UVRAG: variants seen among roughly 807,000 people sequenced by gnomAD.
The protein encoded by UVRAG is UV radiation resistance associated.
UVRAG carries 19 observed loss-of-function variants against 78.0 expected under a neutral mutation model. The observed-to-expected ratio is 0.24, with a 90% CI of 0.17 to 0.36. UVRAG has a LOEUF of 0.36. Among genes scored for constraint, UVRAG ranks in the 10% least tolerant of loss-of-function variants. The pLI is 1.00. For missense variants in UVRAG, 740 were observed against 853.8 expected, an observed-to-expected ratio of 0.87 and a Z score of 1.66; for synonymous variants, 323 against 324.6, an observed-to-expected ratio of 1.00 and a Z score of 0.05.
At chr11:76,082,562 T>C (rs1242945942) in intron 13 of UVRAG, among the ~76,000 whole-genome samples, 1 of 109,580 alleles carries the variant, frequency 9.1e-6, no homozygotes, top group Non-Finnish European at 1.9e-5. Context: ...AAAAAAAACA[T>C]AGGTAACAAT....
At position 75,945,422 on chromosome 11, in the gene UVRAG, G is replaced by T. The variant is rs1240187899; in HGVS notation, c.594-16022G>T. On this transcript the variant is annotated intron_variant, in intron 6 of 14. Coordinates refer to ENST00000356136, the MANE Select transcript of UVRAG (RefSeq NM_003369.4). ...AGCCGGAAAACAAATGATTATAGAT[G>T]ATATGAAGTCTAGATGGAGCATGCT... Among the ~76,000 whole-genome samples the T allele has an allele frequency of 2.0e-5, 3 of 152,236 alleles. No homozygotes were observed. In the East Asian group the frequency reaches 5.8e-4, roughly 29 times the overall value.
chr11:76,007,725 G>C, intron 10 of UVRAG, 104 bp downstream of exon 10: 1 of 848,216 alleles, frequency 1.2e-6, no homozygotes, highest in South Asian at 1.6e-5. Flanking sequence ...TTAATCATAT[G>C]CTCTGTCATG....
intron 8 of UVRAG, among the ~76,000 whole-genome samples, chr11:75,987,952 G>A (rs1949532883): frequency 1.3e-5 from 2 of 152,014 alleles, no homozygotes; most frequent in Non-Finnish European, 2.9e-5. Flanking sequence ...TGGCCAGGCT[G>A]GTCTCAAACT....
intron 2 of UVRAG, among the ~76,000 whole-genome samples, chr11:75,853,025 C>T (rs1052105628): frequency 2.0e-5 from 3 of 152,108 alleles, no homozygotes; most frequent in Admixed American, 6.6e-5. Flanking sequence ...ATCCTCCTGC[C>T]TCCATCTCCC....
At chr11:75,929,995 T>G (rs1252584249) in intron 6 of UVRAG, among the ~76,000 whole-genome samples, 2 of 152,252 alleles carry the variant, frequency 1.3e-5, no homozygotes, top group South Asian at 2.1e-4. Context: ...CTGGATACTT[T>G]GCGTTATTCA....
At chr11:75,976,830 A>T (rs1363902932) in intron 7 of UVRAG, among the ~76,000 whole-genome samples, 1 of 152,006 alleles carries the variant, frequency 6.6e-6, no homozygotes. Context: ...TCCTGGATTC[A>T]TTGATTTTTT....
intron 14 of UVRAG, among the ~76,000 whole-genome samples, chr11:76,140,112 C>CCTCTCTCTCT (rs745755879): frequency 5.3e-4 from 6 of 11,286 alleles, no homozygotes; most frequent in East Asian, 4.1e-3. Flanking sequence ...TCCCTCCCTC[C>CCTCTCTCTCT]CTCTCTCTCT....
chr11:75,921,712 C>G (rs1947984766), intron 6 of UVRAG, among the ~76,000 whole-genome samples: 1 of 151,150 alleles, frequency 6.6e-6, no homozygotes. Context: ...TTTTAATCCA[C>G]CCATCTGCAC....
chr11:76,064,490 T>G (rs1342519300), intron 12 of UVRAG, among the ~76,000 whole-genome samples: 2 of 152,214 alleles, frequency 1.3e-5, no homozygotes, highest in Non-Finnish European at 2.9e-5. Context: ...ATGTCCTAGT[T>G]TATTTTTTAC....
At chr11:75,939,783 C>G (rs1357870587) in intron 6 of UVRAG, among the ~76,000 whole-genome samples, 2 of 152,080 alleles carry the variant, frequency 1.3e-5, no homozygotes, top group Non-Finnish European at 2.9e-5. Flanking sequence ...TTTTTTGGAA[C>G]AGACTTCAAT....
chr11:75,951,025 C>T (rs1948684960), intron 6 of UVRAG, among the ~76,000 whole-genome samples: 1 of 150,680 alleles, frequency 6.6e-6, no homozygotes, highest in South Asian at 2.1e-4. Flanking sequence ...GTTTTTTTCT[C>T]AGTCATGACT....
intron 2 of UVRAG, among the ~76,000 whole-genome samples, chr11:75,858,561 C>T (rs936994808): frequency 6.6e-6 from 1 of 152,112 alleles, no homozygotes; most frequent in Non-Finnish European, 1.5e-5. Context: ...CACAGTATTG[C>T]ATTGAATAAC....
At chr11:75,924,490 A>C (rs1465649969) in intron 6 of UVRAG, among the ~76,000 whole-genome samples, 1 of 151,570 alleles carries the variant, frequency 6.6e-6, no homozygotes, top group Non-Finnish European at 1.5e-5. Context: ...GGTTCATGCC[A>C]TTCTCCTGCC....
At chr11:75,832,408 C>G (rs1945678688) in intron 1 of UVRAG, among the ~76,000 whole-genome samples, 1 of 152,144 alleles carries the variant, frequency 6.6e-6, no homozygotes, top group Admixed American at 6.5e-5. Flanking sequence ...TAGAATGGCT[C>G]ACAGAACTCA....
At chr11:76,116,734 C>A (rs1223418479) in intron 14 of UVRAG, among the ~76,000 whole-genome samples, 1 of 152,178 alleles carries the variant, frequency 6.6e-6, no homozygotes, top group Admixed American at 6.5e-5. Context: ...GGAAAGCAGG[C>A]CTGTAGAGTT....
chr11:76,091,091 G>T (rs1951688134), intron 13 of UVRAG, among the ~76,000 whole-genome samples: 1 of 152,126 alleles, frequency 6.6e-6, no homozygotes, highest in African/African-American at 2.4e-5. Flanking sequence ...AAATTTTTGA[G>T]ACCTTGTAAA....
chr11:76,100,959 A>G (rs1951870301), intron 13 of UVRAG, among the ~76,000 whole-genome samples: 1 of 152,298 alleles, frequency 6.6e-6, no homozygotes, highest in East Asian at 1.9e-4. Flanking sequence ...TTATGGCGGC[A>G]TAATATTCCA....
rs1241460049 is a variant in UVRAG at position 75,815,521 on chromosome 11, G to C, written c.114G>C (p.Gln38His). 2.4e-6 allele frequency: 3 copies of C among 1,236,690 alleles called. No homozygotes were observed. Among genetic ancestry groups the C allele is most frequent in the Non-Finnish European group, 2.0e-6 (2 of 989,558 alleles). The allele number at this position is 1,236,690 out of a possible 1,614,324, so 76.6% of individuals were successfully genotyped here. A position where few individuals can be genotyped will look rare whatever the true frequency, so the allele number is the denominator to read the frequency against. ...CCCTGCATGTGGAGCTGCCGTCTCAGCAGGTAAGCCCGCGCGGCTCGCAGC... is the reference window on the plus strand; with the variant it reads ...CCCTGCATGTGGAGCTGCCGTCTCACCAGGTAAGCCCGCGCGGCTCGCAGC... ...ARALHVELPS[Q>H]QRRLRHLRNI... Residue 38 changes from glutamine (Q) to histidine (H), a missense_variant, in exon 1 of 15, where the codon CAG (glutamine) becomes CAC (histidine). Gln to His is a conservative substitution (Grantham distance 24). Coordinates refer to ENST00000356136, the MANE Select transcript of UVRAG (RefSeq NM_003369.4).
intron 5 of UVRAG, among the ~76,000 whole-genome samples, chr11:75,898,879 G>A (rs1947416882): frequency 6.6e-6 from 1 of 152,048 alleles, no homozygotes; most frequent in Non-Finnish European, 1.5e-5. Context: ...CCTCTTGCTA[G>A]TCATACTAAT....
Sources: gnomAD v4.1 joint callset for allele counts (sites outside exome capture counted in the v4.1 genomes callset) on GRCh38, gnomAD v4.1.1 for gene constraint, MANE v1.5 for transcripts, NCBI Gene and HGNC (gene_info 2026-07-23, HGNC 2026-07-21) for gene names.